ADD3: variants seen among roughly 807,000 people sequenced by gnomAD.
The protein encoded by ADD3 is gamma-adducin.
ADD3 carries 25 observed loss-of-function variants against 80.2 expected under a neutral mutation model. The observed-to-expected ratio is 0.31, with a 90% CI of 0.23 to 0.44. The LOEUF (loss-of-function observed/expected upper bound fraction) is 0.44, where lower values mean the gene tolerates loss of function less well. Among genes scored for constraint, ADD3 ranks in the 20% least tolerant of loss-of-function variants. The pLI, the probability that ADD3 is intolerant of heterozygous loss-of-function variation, is 1.00. For synonymous variants in ADD3, 284 were observed against 289.6 expected (o/e 0.98, Z 0.20); for missense variants, 829 against 847.5 (o/e 0.98, Z 0.27).
chr10:110,026,505 C>T (rs904521818), intron 1 of ADD3, among the ~76,000 whole-genome samples: 6 of 152,036 alleles, frequency 3.9e-5, no homozygotes, highest in African/African-American at 1.4e-4. Context: ...GTCTTGAACT[C>T]CCGACCTCAG....
chr10:110,118,024 A>ACG (rs922550414), intron 5 of ADD3, among the ~76,000 whole-genome samples: 1 of 38,304 alleles, frequency 2.6e-5, no homozygotes, highest in Non-Finnish European at 4.6e-5. Context: ...TTCAATACAC[A>ACG]CACACACACA....
chr10:110,036,947 C>T (rs767416273), intron 1 of ADD3, among the ~76,000 whole-genome samples: 1 of 152,144 alleles, frequency 6.6e-6, no homozygotes, highest in Non-Finnish European at 1.5e-5. Flanking sequence ...CTCTTTTTAC[C>T]TGGGACACGG....
At position 110,134,755 on chromosome 10, in the gene ADD3, T is replaced by C. The variant is rs1853472580; in HGVS notation, c.*1137T>C. 6.6e-6 allele frequency: 1 copy of C among 152,650 alleles called. No homozygotes were observed. Among genetic ancestry groups the C allele is most frequent in the African/African-American group, 2.4e-5 (1 of 41,456 alleles). 9.5% of individuals were successfully genotyped at this position (152,650 alleles called of 1,614,324 possible). A position where few individuals can be genotyped will look rare whatever the true frequency, so the allele number is the denominator to read the frequency against. ...CCAAATTTCTAAAATTCTGCTTCTC[T>C]GCCAAAAGCAATGTCTTTCTTGGTT... is the stretch of plus-strand genomic sequence containing the variant. On this transcript the variant is annotated 3_prime_UTR_variant, in exon 15 of 15. Coordinates refer to ENST00000356080, the MANE Select transcript of ADD3 (RefSeq NM_016824.5).
At chr10:110,096,850 C>T (rs551318939) in intron 1 of ADD3, among the ~76,000 whole-genome samples, 90 of 152,232 alleles carry the variant, frequency 5.9e-4, no homozygotes, top group African/African-American at 2.0e-3. Flanking sequence ...CTTTGAAAAA[C>T]GATGTACCAC....
upstream of ADD3, among the ~76,000 whole-genome samples, chr10:110,004,445 C>G (rs1385002984): frequency 6.6e-6 from 1 of 152,046 alleles, no homozygotes; most frequent in South Asian, 2.1e-4. Context: ...ATCGCCTGAA[C>G]CTGGCAGGCA....
upstream of ADD3, among the ~76,000 whole-genome samples, chr10:110,006,499 T>C (rs1448491533): frequency 6.6e-6 from 1 of 152,358 alleles, no homozygotes; most frequent in South Asian, 2.1e-4. Context: ...CTGAGCATTT[T>C]CTAAACAATT....
chr10:110,075,308 C>G (rs979530053), intron 1 of ADD3, among the ~76,000 whole-genome samples: 1 of 151,402 alleles, frequency 6.6e-6, no homozygotes, highest in African/African-American at 2.4e-5. Flanking sequence ...GTATTTTGCT[C>G]TCTCTGTGAT....
rs565361866 is a variant in ADD3 at position 110,125,988 on chromosome 10, C to T, written c.1521+43C>T. On this transcript the variant is annotated intron_variant, in intron 11 of 14. Coordinates refer to ENST00000356080, the MANE Select transcript of ADD3 (RefSeq NM_016824.5). ...ATAGCCAGGGGAGACATTTTAATTG[C>T]TTTATGTTTAAATCACCAGTGGTTG... The T allele has an allele frequency of 1.5e-5, 23 of 1,551,118 alleles. No homozygotes were observed. The African/African-American group carries it at 3.0e-4, about 20-fold the overall frequency.
intron 6 of ADD3, 101 bp downstream of exon 6, chr10:110,118,837 T>C: frequency 8.2e-7 from 1 of 1,219,522 alleles, no homozygotes; most frequent in Non-Finnish European, 1.1e-6. Context: ...CAAAATCATA[T>C]TTGATACAAT....
upstream of ADD3, among the ~76,000 whole-genome samples, chr10:110,002,129 T>C (rs940707755): frequency 6.6e-6 from 1 of 151,952 alleles, no homozygotes; most frequent in African/African-American, 2.4e-5. Context: ...TCGTTTCTAC[T>C]AAAACTACAA....
intron 1 of ADD3, among the ~76,000 whole-genome samples, chr10:110,058,280 G>A (rs187878286): frequency 7.9e-5 from 12 of 152,006 alleles, no homozygotes; most frequent in Non-Finnish European, 1.3e-4. Flanking sequence ...GTCAGTTTTT[G>A]TCATTTCCAC....
chr10:110,115,389 C>CAA (rs140714930), intron 3 of ADD3, among the ~76,000 whole-genome samples: 16 of 148,472 alleles, frequency 1.1e-4, no homozygotes, highest in African/African-American at 3.7e-4. Flanking sequence ...AACTCCGTCT[C>CAA]AAAAAAAAAC....
chr10:110,071,525 C>T (rs766341379), intron 1 of ADD3, among the ~76,000 whole-genome samples: 7 of 152,036 alleles, frequency 4.6e-5, no homozygotes, highest in Non-Finnish European at 7.4e-5. Context: ...TTTTCTATTC[C>T]GTTTTAGAAC....
intron 3 of ADD3, among the ~76,000 whole-genome samples, chr10:110,114,479 G>A (rs1487479552): frequency 2.6e-5 from 4 of 152,174 alleles, no homozygotes; most frequent in African/African-American, 9.7e-5. Context: ...CTACAGTCGA[G>A]TACAAGAATG....
chr10:110,013,264 G>A (rs1190874899), intron 1 of ADD3, among the ~76,000 whole-genome samples: 6 of 151,750 alleles, frequency 4.0e-5, no homozygotes, highest in African/African-American at 1.2e-4. Flanking sequence ...CACCACTACC[G>A]GCTCATTTTT....
At chr10:110,012,907 A>G (rs1376632497) in intron 1 of ADD3, among the ~76,000 whole-genome samples, 4 of 151,998 alleles carry the variant, frequency 2.6e-5, no homozygotes, top group African/African-American at 7.2e-5. Context: ...TTATATCTTT[A>G]AGGTAAGGTT....
At chr10:110,094,275 C>G (rs1173647577) in intron 1 of ADD3, among the ~76,000 whole-genome samples, 1 of 152,060 alleles carries the variant, frequency 6.6e-6, no homozygotes, top group Non-Finnish European at 1.5e-5. Flanking sequence ...ATGGGGCAAT[C>G]TGGATGACAT....
At chr10:110,109,183 C>T (rs1479534377) in intron 2 of ADD3, among the ~76,000 whole-genome samples, 1 of 152,070 alleles carries the variant, frequency 6.6e-6, no homozygotes, top group African/African-American at 2.4e-5. Flanking sequence ...AGAAATTTCT[C>T]ACCAGTTTAA....
At chr10:110,049,907 A>C (rs1230583848) in intron 1 of ADD3, among the ~76,000 whole-genome samples, 2 of 148,328 alleles carry the variant, frequency 1.3e-5, no homozygotes, top group Non-Finnish European at 3.0e-5. Flanking sequence ...AAAAAAAAAG[A>C]TTTGACTGCC....
Sources: allele counts gnomAD v4.1 joint callset (sites outside exome capture counted in the v4.1 genomes callset), GRCh38; gene constraint gnomAD v4.1.1; transcripts MANE v1.5; gene names NCBI Gene and HGNC (gene_info 2026-07-23, HGNC 2026-07-21).